The following EPHA7 variants were observed in gnomAD, a reference collection of about 807,000 sequenced individuals.
EPHA7 encodes ephrin type-A receptor 7.
Under a neutral mutation model 112.6 loss-of-function variants are expected in EPHA7, and 25 were observed. The ratio of observed to expected loss-of-function variants is 0.22; its 90% CI spans 0.16 to 0.31. The LOEUF (loss-of-function observed/expected upper bound fraction) is 0.31. EPHA7 is among the 10% of genes least tolerant of loss of function. The pLI is 1.00. For synonymous variants in EPHA7, 437 were observed against 406.5 expected, an observed-to-expected ratio of 1.07 and a Z score of -0.90; for missense variants, 962 against 1,212.6, an observed-to-expected ratio of 0.79 and a Z score of 3.07.
chr6:93,372,782 T>A (rs1398331169), intron 3 of EPHA7, among the ~76,000 whole-genome samples: 1 of 152,132 alleles, frequency 6.6e-6, no homozygotes, highest in Non-Finnish European at 1.5e-5. Context: ...CTTGCAGCTA[T>A]AACAGCCTAA....
chr6:93,387,716 C>G (rs1201767103), intron 3 of EPHA7, among the ~76,000 whole-genome samples: 2 of 151,944 alleles, frequency 1.3e-5, no homozygotes, highest in Non-Finnish European at 2.9e-5. Context: ...CACATGGCAG[C>G]AGGAGAGAGA....
In EPHA7 at chr6:93,419,287, G is replaced by A; in HGVS notation, c.55C>T (p.Leu19Phe). The A allele has an allele frequency of 6.2e-7, 1 of 1,614,102 alleles. No homozygotes were observed. The highest frequency in any genetic ancestry group is 8.5e-7 in the Non-Finnish European group (1 of 1,179,980). ...SWIILCYIWL[L>F]RFAHTGEAQA... Reference sequence around the variant, plus strand: ...GCCTCCCCTGTGTGTGCAAAGCGGAGCAGCCAGATGTAGCATAAAATAATC... The same window carrying A: ...GCCTCCCCTGTGTGTGCAAAGCGGAACAGCCAGATGTAGCATAAAATAATC... Residue 19 changes from leucine to phenylalanine, a missense_variant, in exon 1 of 17, where the codon CTC (leucine) becomes TTC (phenylalanine). Physicochemically the swap from Leu to Phe is conservative, Grantham distance 22 (BLOSUM62 0). Coordinates refer to ENST00000369303, the MANE Select transcript of EPHA7 (RefSeq NM_004440.4).
chr6:93,245,216 A>C, intron 16 of EPHA7, 82 bp downstream of exon 16: 2 of 1,292,246 alleles, frequency 1.5e-6, no homozygotes, highest in Admixed American at 2.5e-5. Flanking sequence ...AATTCTTTTA[A>C]TATAAAGAAG....
chr6:93,305,203 G>A (rs115246817), intron 5 of EPHA7, among the ~76,000 whole-genome samples: 3,099 of 151,640 alleles, frequency 0.02, 111 homozygotes, highest in African/African-American at 0.07. Flanking sequence ...TTCATGGAAG[G>A]AAAGCATGAG....
At chr6:93,301,053 T>C (rs966432652) in intron 5 of EPHA7, among the ~76,000 whole-genome samples, 7 of 152,128 alleles carry the variant, frequency 4.6e-5, no homozygotes, top group African/African-American at 1.7e-4. Context: ...GGTATTATAA[T>C]CTTATGGGCC....
intron 5 of EPHA7, among the ~76,000 whole-genome samples, chr6:93,329,406 T>C (rs1396529233): frequency 6.6e-6 from 1 of 151,430 alleles, no homozygotes; most frequent in Non-Finnish European, 1.5e-5. Flanking sequence ...AATATTAATG[T>C]AAATATGAAA....
At chr6:93,374,089 A>G (rs568720027) in intron 3 of EPHA7, among the ~76,000 whole-genome samples, 1 of 152,316 alleles carries the variant, frequency 6.6e-6, no homozygotes, top group Non-Finnish European at 1.5e-5. Context: ...AGAGGTATTT[A>G]ACCAGAGCTT....
intron 5 of EPHA7, among the ~76,000 whole-genome samples, chr6:93,304,163 A>AAT (rs1562083082): frequency 6.6e-6 from 1 of 152,056 alleles, no homozygotes; most frequent in East Asian, 1.9e-4. Context: ...TACTTGTAGT[A>AAT]TAGTAATTAT....
At chr6:93,284,144 T>C (rs2127827811) in intron 5 of EPHA7, among the ~76,000 whole-genome samples, 1 of 152,312 alleles carries the variant, frequency 6.6e-6, no homozygotes, top group East Asian at 1.9e-4. Context: ...CATAGTTGTT[T>C]CTATTTTATT....
chr6:93,339,438 C>T (rs1267862059), intron 5 of EPHA7, among the ~76,000 whole-genome samples: 1 of 151,754 alleles, frequency 6.6e-6, no homozygotes, highest in Non-Finnish European at 1.5e-5. Context: ...GAATTCAATT[C>T]TACTACATCA....
chr6:93,369,531 T>A (rs189552541), intron 3 of EPHA7, among the ~76,000 whole-genome samples: 1 of 152,308 alleles, frequency 6.6e-6, no homozygotes, highest in Admixed American at 6.5e-5. Context: ...AAGAGCAACA[T>A]CCATTCTTCA....
At chr6:93,258,973 TA>T (rs1164531140) in intron 10 of EPHA7, among the ~76,000 whole-genome samples, 1 of 151,862 alleles carries the variant, frequency 6.6e-6, no homozygotes, top group African/African-American at 2.4e-5. Context: ...AGAGAAAAGA[TA>T]AAAATGAAAG....
At chr6:93,298,695 G>A (rs1582473213) in intron 5 of EPHA7, among the ~76,000 whole-genome samples, 1 of 152,074 alleles carries the variant, frequency 6.6e-6, no homozygotes, top group African/African-American at 2.4e-5. Context: ...CTATCACATT[G>A]GCAAAGATTG....
At chr6:93,260,023 TG>T (rs765567974) in intron 9 of EPHA7, among the ~76,000 whole-genome samples, 21 of 151,980 alleles carry the variant, frequency 1.4e-4, no homozygotes, top group Non-Finnish European at 3.1e-4. Context: ...TAATACAAGA[TG>T]TGAGGGACTT....
intron 1 of EPHA7, among the ~76,000 whole-genome samples, chr6:93,417,272 G>C (rs1201731901): frequency 6.6e-6 from 1 of 152,096 alleles, no homozygotes; most frequent in Non-Finnish European, 1.5e-5. Flanking sequence ...TGCTTCAAGC[G>C]GTTCCCAGCG....
intron 3 of EPHA7, among the ~76,000 whole-genome samples, chr6:93,362,091 G>C (rs1008226927): frequency 1.3e-5 from 2 of 151,906 alleles, no homozygotes; most frequent in African/African-American, 4.8e-5. Flanking sequence ...TCTTTTGACT[G>C]TTCTTTTAGT....
At chr6:93,263,482 C>T (rs553458139) in intron 9 of EPHA7, among the ~76,000 whole-genome samples, 83 of 151,310 alleles carry the variant, frequency 5.5e-4, no homozygotes, top group African/African-American at 2.0e-3. Context: ...TAGCATCACT[C>T]ATTGGATTAA....
intron 3 of EPHA7, among the ~76,000 whole-genome samples, chr6:93,377,389 GT>G (rs1007192147): frequency 4.0e-5 from 6 of 149,674 alleles, no homozygotes; most frequent in African/African-American, 7.4e-5. Flanking sequence ...GTTATTGCTA[GT>G]TTTTTTTTCA....
chr6:93,337,333 T>C (rs1449751221), intron 5 of EPHA7, among the ~76,000 whole-genome samples: 2 of 152,308 alleles, frequency 1.3e-5, no homozygotes, highest in Admixed American at 1.3e-4. Context: ...ACACACTGAT[T>C]GCACAAGGCT....
Sources: allele counts gnomAD v4.1 joint callset (sites outside exome capture counted in the v4.1 genomes callset), GRCh38; gene constraint gnomAD v4.1.1; transcripts MANE v1.5; gene names NCBI Gene and HGNC (gene_info 2026-07-23, HGNC 2026-07-21).